Variants in EMC3 observed in about 807,000 individuals in gnomAD.
The protein encoded by EMC3 is ER membrane protein complex subunit 3, also known as 30 kDa protein.
In EMC3, 13 loss-of-function variants were observed where a neutral mutation model predicts 36.6. The observed-to-expected ratio is 0.35, with a 90% CI of 0.23 to 0.56. EMC3 has a LOEUF of 0.56. Ranked by LOEUF, EMC3 falls within the 20% of genes least tolerant of loss-of-function variation. EMC3 has a pLI of 0.84. For missense variants in EMC3, 220 were observed against 324.5 expected (o/e 0.68, Z 2.47); for synonymous variants, 120 against 111.9 (o/e 1.07, Z -0.46).
upstream of EMC3, among the ~76,000 whole-genome samples, chr3:9,990,943 C>T (rs1436442401): frequency 1.3e-5 from 2 of 152,166 alleles, no homozygotes; most frequent in African/African-American, 4.8e-5. Context: ...ATTCTCCTGC[C>T]TCGGCCTCCT....
At chr3:9,989,111 A>G (rs979753038), upstream of EMC3, among the ~76,000 whole-genome samples, 5 of 152,204 alleles carry the variant, frequency 3.3e-5, no homozygotes, top group African/African-American at 9.6e-5. Context: ...CCTTCCACCC[A>G]GCACCACTGT....
intron 6 of EMC3, 127 bp from the exon 7 acceptor site, chr3:9,969,928 A>G: frequency 7.0e-7 from 1 of 1,437,968 alleles, no homozygotes; most frequent in Non-Finnish European, 9.2e-7. Flanking sequence ...CCTGTCACCC[A>G]CTGGCTATGT....
In EMC3 at chr3:9,963,450, G is replaced by GAT. The variant is rs1448350735; in HGVS notation, c.*617_*618dup. ...CCTTCGAAGACTGGGCTTCTGCTAA[G>GAT]ATAGATATATATATATATATATATA... On this transcript the variant is annotated 3_prime_UTR_variant, in exon 8 of 8. Transcript: ENST00000245046. 69 of 77,656 alleles carry GAT rather than the reference G, an allele frequency of 8.9e-4. No individual in the cohort carries two copies. Among genetic ancestry groups the GAT allele is most frequent in the African/African-American group, 4.4e-3 (64 of 14,614 alleles). 4.8% of individuals were successfully genotyped at this position (77,656 alleles called of 1,614,324 possible). A position where few individuals can be genotyped will look rare whatever the true frequency, so the allele number is the denominator to read the frequency against.
chr3:10,001,405 CAAAAAAAAA>C (rs60785369), intron 1 of EMC3, among the ~76,000 whole-genome samples: 18,738 of 79,808 alleles, frequency 0.23, 1,315 homozygotes, highest in South Asian at 0.28. Context: ...GCTAAAAATA[CAAAAAAAAA>C]AAAAAAAAAA....
At chr3:10,001,632 C>T (rs1203678107) in intron 1 of EMC3, among the ~76,000 whole-genome samples, 1 of 151,794 alleles carries the variant, frequency 6.6e-6, no homozygotes, top group Non-Finnish European at 1.5e-5. Context: ...ACTCTGTATT[C>T]AGTTTCATTG....
intron 1 of EMC3, chr3:10,003,126 A>G (rs2086224829): frequency 2.2e-6 from 1 of 456,556 alleles, no homozygotes; most frequent in East Asian, 6.9e-5. Context: ...CCTCTGGCTC[A>G]CCACCTCCCC....
intron 7 of EMC3, among the ~76,000 whole-genome samples, chr3:9,966,578 C>A (rs1017177546): frequency 1.3e-5 from 2 of 151,478 alleles, no homozygotes; most frequent in African/African-American, 4.9e-5. Flanking sequence ...ACTCTGTCAC[C>A]CAGGGTGGAG....
rs1027700842 is a variant in EMC3, at chr3:9,963,811, C to T, written c.*258G>A. 2.6e-6 allele frequency: 1 copy of T among 383,644 alleles called. No individual in the cohort carries two copies. Among genetic ancestry groups the T allele is most frequent in the Admixed American group, 4.4e-5 (1 of 22,700 alleles). The allele number at this position is 383,644 out of a possible 1,614,324, so 23.8% of individuals were successfully genotyped here. A position where few individuals can be genotyped will look rare whatever the true frequency, so the allele number is the denominator to read the frequency against. On this transcript the variant is annotated 3_prime_UTR_variant, in exon 8 of 8. Transcript: ENST00000245046. The stretch of plus-strand genomic sequence containing the variant: ...ATATTATCAGTAGCCTGAGGTTTCC[C>T]CCTTTCTCTGACTTTCATTACTAGA...
intron 1 of EMC3, chr3:10,002,812 C>G (rs978895616): frequency 2.2e-6 from 1 of 455,780 alleles, no homozygotes; most frequent in Admixed American, 2.4e-5. Flanking sequence ...TGTGTCTTCC[C>G]CCTCCACGCA....
intron 1 of EMC3, chr3:10,002,835 C>T (rs2086220643): frequency 2.2e-6 from 1 of 456,710 alleles, no homozygotes; most frequent in Non-Finnish European, 4.4e-6. Context: ...GCACCAGCAA[C>T]AGTAGTGCAG....
chr3:9,976,762 G>A (rs1344563469), intron 3 of EMC3, among the ~76,000 whole-genome samples, 195 bp downstream of exon 3: 1 of 152,088 alleles, frequency 6.6e-6, no homozygotes, highest in Admixed American at 6.6e-5. Context: ...ATACATTGGG[G>A]TTCTCAGAAA....
intron 1 of EMC3, chr3:10,003,739 C>A (rs1439125225): frequency 6.0e-6 from 1 of 166,854 alleles, no homozygotes; most frequent in Non-Finnish European, 1.3e-5. Flanking sequence ...ACCCCCAACA[C>A]CAGTTATTTA....
chr3:10,003,665 A>G (rs2086230410), intron 1 of EMC3: 1 of 196,580 alleles, frequency 5.1e-6, no homozygotes, highest in Non-Finnish European at 1.1e-5. Context: ...CTCTCCAGAG[A>G]GTGATAAGTA....
chr3:10,003,442 T>C (rs757657840), intron 1 of EMC3: 12 of 358,356 alleles, frequency 3.3e-5, no homozygotes, highest in Non-Finnish European at 6.6e-5. Context: ...ATTGTTACCA[T>C]AGTCACTACA....
At chr3:10,007,748 A>T in intron 1 of EMC3, 6 of 988,066 alleles carry the variant, frequency 6.1e-6, no homozygotes, top group Non-Finnish European at 8.3e-6. Flanking sequence ...GCACCCATCA[A>T]GGAGCTTCCT....
chr3:9,996,404 C>T (rs2086124779), intron 1 of EMC3, among the ~76,000 whole-genome samples: 1 of 152,034 alleles, frequency 6.6e-6, no homozygotes, highest in African/African-American at 2.4e-5. Context: ...ATGATTGTGC[C>T]ACTGCTCTCC....
chr3:10,002,902 T>C (rs1434326290), intron 1 of EMC3: 1 of 455,344 alleles, frequency 2.2e-6, no homozygotes, highest in Non-Finnish European at 4.4e-6. Flanking sequence ...GGCCTTCCCC[T>C]CCACCCAGAG....
At chr3:9,993,794 G>A (rs1486908432) in intron 1 of EMC3, among the ~76,000 whole-genome samples, 1 of 119,092 alleles carries the variant, frequency 8.4e-6, no homozygotes, top group Non-Finnish European at 1.8e-5. Context: ...AAAAAAGTCA[G>A]TTTAGTTAGC....
At chr3:9,981,250 CGAAA>C (rs2085908819) in intron 1 of EMC3, among the ~76,000 whole-genome samples, 1 of 152,020 alleles carries the variant, frequency 6.6e-6, no homozygotes, top group Non-Finnish European at 1.5e-5. Context: ...GAAAAACAAA[CGAAA>C]AAACACTTGT....
Sources: allele counts gnomAD v4.1 joint callset (sites outside exome capture counted in the v4.1 genomes callset), GRCh38; gene constraint gnomAD v4.1.1; transcripts MANE v1.5; gene names NCBI Gene and HGNC (gene_info 2026-07-23, HGNC 2026-07-21).